The following ADCY1 variants were observed in gnomAD, a reference collection of about 807,000 sequenced individuals.
ADCY1 encodes the protein adenylate cyclase 1.
ADCY1 carries 28 observed loss-of-function variants against 105.4 expected under a neutral mutation model. The observed-to-expected ratio is 0.27, with a 90% confidence interval of 0.20 to 0.36. The LOEUF is 0.36. ADCY1 is among the 10% of genes least tolerant of loss of function. The pLI, the probability that ADCY1 is intolerant of heterozygous loss-of-function variation, is 1.00. For synonymous variants in ADCY1, 655 were observed against 623.8 expected (o/e 1.05, Z -0.75); for missense variants, 977 against 1,434.2 (o/e 0.68, Z 5.15).
intron 2 of ADCY1, among the ~76,000 whole-genome samples, chr7:45,605,735 C>G (rs1022756877): frequency 6.6e-6 from 1 of 152,102 alleles, no homozygotes; most frequent in Non-Finnish European, 1.5e-5. Context: ...TTCTAAAGTG[C>G]ATTCGTAGTT....
intron 8 of ADCY1, among the ~76,000 whole-genome samples, chr7:45,663,892 C>G (rs1795197403): frequency 6.6e-6 from 1 of 152,028 alleles, no homozygotes; most frequent in African/African-American, 2.4e-5. Context: ...TATGTGGGAC[C>G]ATAGCTATAG....
intron 4 of ADCY1, among the ~76,000 whole-genome samples, chr7:45,623,555 A>G (rs1331741311): frequency 6.6e-6 from 1 of 152,230 alleles, no homozygotes; most frequent in Non-Finnish European, 1.5e-5. Context: ...AGGCCCAGAG[A>G]GAGCACATCT....
intron 2 of ADCY1, among the ~76,000 whole-genome samples, chr7:45,602,061 ATG>A (rs1460830650): frequency 6.6e-6 from 1 of 151,926 alleles, no homozygotes; most frequent in Non-Finnish European, 1.5e-5. Context: ...GCTTTGAGGG[ATG>A]TGTAGGGGTT....
chr7:45,660,011 C>G (rs201622828), intron 6 of ADCY1, 31 bp from the exon 7 acceptor site: 816 of 1,613,152 alleles, frequency 5.1e-4, no homozygotes, highest in Non-Finnish European at 6.6e-4. Flanking sequence ...TGGTTCCCCA[C>G]TCATCTGGCC....
chr7:45,697,385 C>CTT, intron 14 of ADCY1, among the ~76,000 whole-genome samples: 1 of 131,794 alleles, frequency 7.6e-6, no homozygotes, highest in Non-Finnish European at 1.6e-5. Context: ...GCTCTCTTTA[C>CTT]CTTTTTTTTT....
At chr7:45,694,124 A>C (rs982084300) in intron 14 of ADCY1, among the ~76,000 whole-genome samples, 64 of 150,588 alleles carry the variant, frequency 4.3e-4, no homozygotes, top group Non-Finnish European at 8.6e-4. Flanking sequence ...ATAAAAAAAA[A>C]AAAAAAAAAA....
At chr7:45,687,423 T>A (rs1784705936) in intron 14 of ADCY1, among the ~76,000 whole-genome samples, 1 of 152,166 alleles carries the variant, frequency 6.6e-6, no homozygotes, top group South Asian at 2.1e-4. Context: ...GGTGCTGGTG[T>A]GAGCATCTTC....
At chr7:45,684,501 T>C (rs1226706933) in intron 11 of ADCY1, 1 of 152,348 alleles carries the variant, frequency 6.6e-6, no homozygotes, top group Non-Finnish European at 1.5e-5. Context: ...TGAAATCACT[T>C]TTTGAAGATT....
Position 45,686,412 on chromosome 7 carries a change from C to T in ADCY1, c.2328-135C>T. 2 of 1,438,342 alleles carry T rather than the reference C, an allele frequency of 1.4e-6. No homozygotes were observed. Among genetic ancestry groups the T allele is most frequent in the Non-Finnish European group, 9.3e-7 (1 of 1,076,818 alleles). The allele number at this position is 1,438,342 out of a possible 1,614,324, so 89.1% of individuals were successfully genotyped here. ...TTTCCCTATGATAAGTGATTCTTGG[C>T]CAAGGTCAATCCCAGCAAGCTGTTT... On this transcript the variant is annotated intron_variant, in intron 13 of 19. Transcript: ENST00000297323. This position sits in a 1 kb window ranked among gnomAD's most constrained non-coding sequence, Gnocchi z 4.3.
chr7:45,575,704 A>C lies in ADCY1; in HGVS notation c.639+522A>C, dbSNP rs369011235. ...GGTGGGAAAGGACTTCGGCTCTTCC[A>C]GCCTTGCTGGCCACCCTTCTGTGGA... On this transcript the variant is annotated intron_variant, in intron 1 of 19. Coordinates refer to ENST00000297323, the MANE Select transcript of ADCY1 (RefSeq NM_021116.4). This position sits in a 1 kb window ranked among gnomAD's most constrained non-coding sequence, Gnocchi z 4.7. Among the ~76,000 whole-genome samples the C allele has an allele frequency of 9.2e-5, 14 of 152,364 alleles. No individual in the cohort carries two copies. Among genetic ancestry groups the C allele is most frequent in the Admixed American group, 2.6e-4 (4 of 15,312 alleles).
At chr7:45,712,743 A>G (rs886341232) in intron 19 of ADCY1, among the ~76,000 whole-genome samples, 1 of 152,190 alleles carries the variant, frequency 6.6e-6, no homozygotes, top group Non-Finnish European at 1.5e-5. Flanking sequence ...GAAGAGAGGA[A>G]GTTCCAAGAT....
chr7:45,708,723 C>T lies in ADCY1; in HGVS notation c.2932+259C>T, dbSNP rs528173402. On this transcript the variant is annotated intron_variant, in intron 18 of 19. Coordinates refer to ENST00000297323, the MANE Select transcript of ADCY1 (RefSeq NM_021116.4). This position sits in a 1 kb window ranked among gnomAD's most constrained non-coding sequence, Gnocchi z 4.7. The stretch of plus-strand genomic sequence containing the variant: ...TTAGAAATCTTGATTGTCCTGGAGA[C>T]GTTCAGATGCTCCTCCAAGTCCACA... Among the ~76,000 whole-genome samples, 5 of 152,336 alleles carry T rather than the reference C, an allele frequency of 3.3e-5. No individual in the cohort carries two copies. In the South Asian group the frequency reaches 8.3e-4, roughly 25 times the overall value.
At chr7:45,582,572 G>A in intron 1 of ADCY1, among the ~76,000 whole-genome samples, 1 of 151,104 alleles carries the variant, frequency 6.6e-6, no homozygotes, top group East Asian at 2.0e-4. Context: ...CACCTGGCGG[G>A]GGGTGGGGGG....
intron 4 of ADCY1, among the ~76,000 whole-genome samples, chr7:45,634,789 G>A (rs1249008165): frequency 6.6e-6 from 1 of 152,144 alleles, no homozygotes; most frequent in Non-Finnish European, 1.5e-5. Context: ...TTTATGGGTT[G>A]TAACCCCATC....
At chr7:45,613,085 A>G (rs1281992574) in intron 3 of ADCY1, among the ~76,000 whole-genome samples, 1 of 152,178 alleles carries the variant, frequency 6.6e-6, no homozygotes, top group Non-Finnish European at 1.5e-5. Context: ...AGATGTTCCA[A>G]ACAAAGGAAT....
intron 8 of ADCY1, among the ~76,000 whole-genome samples, chr7:45,677,435 C>T (rs1033096208): frequency 2.0e-5 from 3 of 152,166 alleles, no homozygotes; most frequent in African/African-American, 7.2e-5. Context: ...CAGCCCTGGC[C>T]AGAGTGAGAG....
intron 3 of ADCY1, among the ~76,000 whole-genome samples, chr7:45,615,875 A>G (rs949623435): frequency 1.3e-5 from 2 of 152,174 alleles, no homozygotes; most frequent in African/African-American, 4.8e-5. Flanking sequence ...GAAATAGAAA[A>G]TAAAAAACAA....
intron 1 of ADCY1, among the ~76,000 whole-genome samples, chr7:45,577,461 C>T (rs777580844): frequency 2.6e-5 from 4 of 152,196 alleles, no homozygotes; most frequent in Non-Finnish European, 5.9e-5. Context: ...ATAATGAGCT[C>T]TGCAGTTTGG....
At chr7:45,594,163 G>A (rs1793007005) in intron 2 of ADCY1, among the ~76,000 whole-genome samples, 1 of 152,124 alleles carries the variant, frequency 6.6e-6, no homozygotes, top group Non-Finnish European at 1.5e-5. Flanking sequence ...GGGCATGCCT[G>A]TATGTCTGTG....
Sources: allele counts gnomAD v4.1 joint callset (sites outside exome capture counted in the v4.1 genomes callset), GRCh38; gene constraint gnomAD v4.1.1; non-coding constraint Gnocchi (gnomAD v3.1); transcripts MANE v1.5; gene names NCBI Gene and HGNC (gene_info 2026-07-23, HGNC 2026-07-21).